The following DST variants were observed in gnomAD, a reference collection of about 807,000 sequenced individuals.
The protein encoded by DST is dystonin, also known as bullous pemphigoid antigen.
In DST, 253 loss-of-function variants were observed where a neutral mutation model predicts 875.2. The observed-to-expected ratio is 0.29, with a 90% confidence interval of 0.26 to 0.32. The LOEUF (loss-of-function observed/expected upper bound fraction) is 0.32, where lower values mean the gene tolerates loss of function less well. Among genes scored for constraint, DST ranks in the 10% least tolerant of loss-of-function variants. The pLI is 1.00. For missense variants in DST, 8,287 were observed against 9,111.6 expected (o/e 0.91, Z 3.68); for synonymous variants, 3,124 against 3,197.1 (o/e 0.98, Z 0.77).
chr6:56,675,979 C>G (rs145073910), intron 9 of DST, among the ~76,000 whole-genome samples: 3 of 151,992 alleles, frequency 2.0e-5, no homozygotes, highest in African/African-American at 7.2e-5. Context: ...CACTAAGCAG[C>G]GAAGAAATGC....
chr6:56,552,617 C>T lies in DST; in HGVS notation c.16175G>A (p.Arg5392Gln), dbSNP rs201501487. ...CTCTGCGAACTGAGAAAACATTTCT[C>T]GAATGGTATTCTGGAAATGCCCAAT... Reference protein sequence around the residue: ...QGIGHFQNTIREMFSQFAEFD... With the variant: ...QGIGHFQNTIQEMFSQFAEFD... Residue 5392 changes from arginine (R) to glutamine (Q), a missense_variant, in exon 61 of 104, where the codon CGA becomes CAA. Arg to Gln is a conservative substitution (Grantham distance 43, BLOSUM62 1). Around this residue, in one of 10 missense-constraint regions of DST, gnomAD observed 1,513 missense variants for 1,677.8 expected, o/e 0.90. Coordinates refer to ENST00000680361, the MANE Select transcript of DST (RefSeq NM_001374736.1). The T allele has an allele frequency of 5.9e-5, 95 of 1,613,750 alleles. No homozygotes were observed. Among genetic ancestry groups the T allele is most frequent in the Non-Finnish European group, 6.8e-5 (80 of 1,179,868 alleles).
Position 56,604,502 on chromosome 6 carries a change from G to T in DST, c.10126C>A (p.Pro3376Thr), listed in dbSNP as rs779202202. 4 of 1,612,326 alleles carry T rather than the reference G, an allele frequency of 2.5e-6. No individual in the cohort carries two copies. The highest frequency in any genetic ancestry group is 3.4e-6 in the Non-Finnish European group (4 of 1,179,064). ...GHMNPQEVEE[P>T]SACADTKILI... is the part of the protein sequence containing the mutation. ...ATTTTAGTGTCTGCACAGGCTGAAG[G>T]TTCTTCAACCTCTTGAGGGTTCATA... The change falls in exon 40 of 104, where the codon CCT becomes ACT. Residue 3376 changes from proline to threonine, a missense_variant. Physicochemically the swap from Pro to Thr is conservative, Grantham distance 38 (BLOSUM62 -1). Coordinates refer to ENST00000680361, the MANE Select transcript of DST (RefSeq NM_001374736.1).
Position 56,641,825 on chromosome 6 carries a change from T to C in DST, c.2027+122A>G, listed in dbSNP as rs1441170679. 4 of 777,548 alleles carry C rather than the reference T, an allele frequency of 5.1e-6. No individual in the cohort carries two copies. The East Asian group carries it at 1.1e-4, about 22-fold the overall frequency. The allele number at this position is 777,548 out of a possible 1,614,324, so 48.2% of individuals were successfully genotyped here. A position where few individuals can be genotyped will look rare whatever the true frequency, so the allele number is the denominator to read the frequency against. On this transcript the variant is annotated intron_variant, in intron 17 of 103. Coordinates refer to ENST00000680361, the MANE Select transcript of DST (RefSeq NM_001374736.1). ...ATATATAAAAATGTGACACACATTT[T>C]CAACTAAAAAACAGCAAAGAAATAT...
At chr6:56,745,943 T>C (rs1372065518) in intron 4 of DST, among the ~76,000 whole-genome samples, 1 of 152,216 alleles carries the variant, frequency 6.6e-6, no homozygotes, top group Non-Finnish European at 1.5e-5. Flanking sequence ...AGTCCCAAGC[T>C]ACCGTAATGT....
chr6:56,820,825 T>A (rs77960880), intron 4 of DST, among the ~76,000 whole-genome samples: 3,790 of 152,218 alleles, frequency 0.025, 176 homozygotes, highest in African/African-American at 0.086. Context: ...GGATGACAAA[T>A]CTAAATGTTA....
At chr6:56,525,385 T>C (rs2096779658) in intron 69 of DST, among the ~76,000 whole-genome samples, 1 of 152,210 alleles carries the variant, frequency 6.6e-6, no homozygotes, top group Non-Finnish European at 1.5e-5. Context: ...AAAAATTTCT[T>C]AGCCAGGGCT....
chr6:56,952,859 T>C (rs1433600777), intron 2 of DST, among the ~76,000 whole-genome samples: 1 of 152,208 alleles, frequency 6.6e-6, no homozygotes, highest in Non-Finnish European at 1.5e-5. Flanking sequence ...TCCAGGGCTA[T>C]ATACAGTAGA....
chr6:56,472,253 A>C lies in DST; in HGVS notation c.21995-31T>G, dbSNP rs1466467524. 3.1e-6 allele frequency: 5 copies of C among 1,606,244 alleles called. No individual in the cohort carries two copies. In the South Asian group the frequency reaches 5.6e-5, roughly 18 times the overall value. ...AAGGTATAACTTCGGTTAGGATGGC[A>C]GTTTCCAGGGTGCTGAAATGTGTTA... is the stretch of plus-strand genomic sequence containing the variant. On this transcript the variant is annotated intron_variant, in intron 93 of 103. Transcript: ENST00000680361.
At position 56,609,029 on chromosome 6, in the gene DST, A is replaced by G. The variant is rs2098522099; in HGVS notation, c.5599T>C (p.Ser1867Pro). ...DALAQSMITE[S>P]MAIKVLEILL... ...ATCTCAAGAACTTTGATGGCCATGGATTCTGTTATCATGCTTTGAGCTAGA... is the reference window on the plus strand; with the variant it reads ...ATCTCAAGAACTTTGATGGCCATGGGTTCTGTTATCATGCTTTGAGCTAGA... Residue 1867 changes from serine to proline, a missense_variant, in exon 40 of 104, where the codon TCC (serine) becomes CCC (proline). By Grantham distance (74) the Ser-to-Pro change is moderately conservative. Coordinates refer to ENST00000680361, the MANE Select transcript of DST (RefSeq NM_001374736.1). 2.5e-6 allele frequency: 4 copies of G among 1,613,850 alleles called. No homozygotes were observed. The highest frequency in any genetic ancestry group is 3.4e-6 in the Non-Finnish European group (4 of 1,179,798).
chr6:56,600,691 T>A (rs1419817885), intron 44 of DST, among the ~76,000 whole-genome samples: 2 of 152,108 alleles, frequency 1.3e-5, no homozygotes, highest in Admixed American at 6.6e-5. Flanking sequence ...ATATTTTTAC[T>A]TAATCACTAT....
chr6:56,908,011 G>A (rs1347934929), intron 2 of DST, among the ~76,000 whole-genome samples: 2 of 152,124 alleles, frequency 1.3e-5, no homozygotes, highest in Non-Finnish European at 2.9e-5. Context: ...GGAGGTTGCA[G>A]TGAGCCAAGA....
At chr6:56,470,303 G>A (rs2094817767) in intron 95 of DST, 21 bp from the exon 96 acceptor site, 1 of 1,572,190 alleles carries the variant, frequency 6.4e-7, no homozygotes, top group African/African-American at 1.3e-5. Context: ...GAAAACAATG[G>A]TAAGTAGTGA....
At chr6:56,947,750 C>A (rs1820360718) in intron 2 of DST, among the ~76,000 whole-genome samples, 1 of 152,192 alleles carries the variant, frequency 6.6e-6, no homozygotes, top group African/African-American at 2.4e-5. Flanking sequence ...GTACACCAAG[C>A]TCTGAAAACA....
chr6:56,463,940 AC>A (rs778328924), intron 100 of DST, 176 bp from the exon 101 acceptor site: 1 of 742,448 alleles, frequency 1.3e-6, no homozygotes, highest in South Asian at 1.4e-5. Context: ...GCATTCCTTT[AC>A]AATGCATTCC....
chr6:56,731,752 C>T (rs1194673688), intron 5 of DST, among the ~76,000 whole-genome samples: 4 of 152,136 alleles, frequency 2.6e-5, no homozygotes, highest in Non-Finnish European at 5.9e-5. Flanking sequence ...TATAACAGTG[C>T]TGCAATAAAT....
intron 4 of DST, among the ~76,000 whole-genome samples, chr6:56,780,583 T>G (rs1172201692): frequency 2.6e-5 from 4 of 152,190 alleles, no homozygotes; most frequent in Admixed American, 2.6e-4. Context: ...GTCTGTTTTT[T>G]TCCTGTAAAT....
At chr6:56,883,631 T>C (rs1019515704) in intron 3 of DST, among the ~76,000 whole-genome samples, 2 of 152,186 alleles carry the variant, frequency 1.3e-5, no homozygotes, top group African/African-American at 4.8e-5. Flanking sequence ...CTCTAATGTC[T>C]TAAACCTTTC....
At chr6:56,864,085 T>C (rs1772748220) in intron 3 of DST, 1 of 152,236 alleles carries the variant, frequency 6.6e-6, no homozygotes, top group Admixed American at 6.5e-5. Flanking sequence ...ATCCTCCATA[T>C]AGTGGGTGGG....
intron 63 of DST, among the ~76,000 whole-genome samples, chr6:56,533,344 G>GT (rs2096930912): frequency 6.6e-6 from 1 of 152,232 alleles, no homozygotes; most frequent in African/African-American, 2.4e-5. Context: ...TGAGGAAGGC[G>GT]TAAGTGTATG....
Sources: allele counts gnomAD v4.1 joint callset (sites outside exome capture counted in the v4.1 genomes callset), GRCh38; gene constraint gnomAD v4.1.1; regional missense constraint gnomAD v4.1.1; transcripts MANE v1.5; gene names NCBI Gene and HGNC (gene_info 2026-07-23, HGNC 2026-07-21).